NPR2: variants seen among roughly 807,000 people sequenced by gnomAD.
The protein encoded by NPR2 is atrial natriuretic peptide receptor 2.
In NPR2, 49 loss-of-function variants were observed where a neutral mutation model predicts 120.7. The ratio of observed to expected loss-of-function variants is 0.41; its 90% confidence interval spans 0.32 to 0.52. The LOEUF is 0.52. Among genes scored for constraint, NPR2 ranks in the 20% least tolerant of loss-of-function variants. NPR2 has a pLI of 0.36. For missense variants in NPR2, 931 were observed against 1,362.9 expected (o/e 0.68, Z 4.99); for synonymous variants, 484 against 519.8 (o/e 0.93, Z 0.94).
Position 35,800,927 on chromosome 9 carries a change from CTG to C in NPR2, c.1351+89_1351+90del, listed in dbSNP as rs1563987571. ...ACCCTCACTGACCCTCCACTCTTAACTGTGCTTCTGCCTTTACGTCTGCATCC... is the reference window on the plus strand; with the variant it reads ...ACCCTCACTGACCCTCCACTCTTAACTGCTTCTGCCTTTACGTCTGCATCC... On this transcript the variant is annotated intron_variant, in intron 6 of 21. Coordinates refer to ENST00000342694, the MANE Select transcript of NPR2 (RefSeq NM_003995.4). This position sits in a 1 kb window ranked among gnomAD's most constrained non-coding sequence, Gnocchi z 4.7. The C allele has an allele frequency of 1.7e-5, 27 of 1,589,692 alleles. No individual in the cohort carries two copies. The highest frequency in any genetic ancestry group is 2.1e-5 in the Non-Finnish European group (24 of 1,157,860).
chr9:35,797,247 A>G (rs1827972894), intron 2 of NPR2, among the ~76,000 whole-genome samples: 1 of 152,180 alleles, frequency 6.6e-6, no homozygotes, highest in South Asian at 2.1e-4. Flanking sequence ...AGTAATGTAA[A>G]CTAGGTGATC....
chr9:35,798,771 C>T (rs1283068232), intron 2 of NPR2, among the ~76,000 whole-genome samples: 1 of 152,204 alleles, frequency 6.6e-6, no homozygotes, highest in African/African-American at 2.4e-5. Context: ...GGTCCAGCAG[C>T]TCAGGAAGGG....
In NPR2 at chr9:35,809,124, T is replaced by C; in HGVS notation, c.2987-32T>C. ...TGATTGCCTTTTCTTTGATTCCTCA[T>C]TCCACCATCCTCCCCATTCCACCCA... On this transcript the variant is annotated intron_variant, in intron 20 of 21. Transcript: ENST00000342694. The surrounding 1 kb of genome is among the most constrained non-coding windows in gnomAD (Gnocchi z 4.1). 6.3e-6 allele frequency: 10 copies of C among 1,577,010 alleles called. No individual in the cohort carries two copies. Among genetic ancestry groups the C allele is most frequent in the Non-Finnish European group, 8.7e-6 (10 of 1,146,448 alleles).
chr9:35,809,442 G>A lies in NPR2; in HGVS notation c.3141G>A (p.Leu1047=). ...AGCGGAAAGGACCTCCTGGACTCCTGTAAACCCCCATTCTTTCCAAGTCAG... is the reference window on the plus strand; with the variant it reads ...AGCGGAAAGGACCTCCTGGACTCCTATAAACCCCCATTCTTTCCAAGTCAG... ...LGERKGPPGL[L] is the part of the protein sequence containing the mutation. Residue 1047 remains leucine (L), a synonymous_variant, in exon 22 of 22, where the codon CTG becomes CTA. Transcript: ENST00000342694. This position sits in a 1 kb window ranked among gnomAD's most constrained non-coding sequence, Gnocchi z 4.1. 2 of 1,614,222 alleles carry A rather than the reference G, an allele frequency of 1.2e-6. No individual in the cohort carries two copies.
chr9:35,806,291 T>C lies in NPR2; in HGVS notation c.2372+58T>C, dbSNP rs1005462556. ...GGGATAGAAGACTCATTAGTCCTAG[T>C]GCATGAAGTGGGGCAGGTGGGACCA... On this transcript the variant is annotated intron_variant, in intron 15 of 21. Coordinates refer to ENST00000342694, the MANE Select transcript of NPR2 (RefSeq NM_003995.4). This position sits in a 1 kb window ranked among gnomAD's most constrained non-coding sequence, Gnocchi z 4.6. The C allele has an allele frequency of 6.8e-6, 11 of 1,610,826 alleles. No homozygotes were observed. Among genetic ancestry groups the C allele is most frequent in the Non-Finnish European group, 8.5e-6 (10 of 1,177,190 alleles).
At position 35,803,395 on chromosome 9, in the gene NPR2, C is replaced by T. The variant is rs866864600; in HGVS notation, c.1887+592C>T. On this transcript the variant is annotated intron_variant, in intron 12 of 21. Coordinates refer to ENST00000342694, the MANE Select transcript of NPR2 (RefSeq NM_003995.4). ...CTGGGATTACAGGCGTGAGCCACCG[C>T]GCCCGGCCTGAACATATTTATCTCT... Among the ~76,000 whole-genome samples, 6 of 82,184 alleles carry T rather than the reference C, an allele frequency of 7.3e-5. No individual in the cohort carries two copies. In the Middle Eastern group the frequency reaches 0.016, roughly 223 times the overall value. 53.9% of individuals were successfully genotyped at this position (82,184 alleles called of 152,430 possible). A position where few individuals can be genotyped will look rare whatever the true frequency, so the allele number is the denominator to read the frequency against.
Position 35,808,906 on chromosome 9 carries a change from T to A in NPR2, c.2986+53T>A. On this transcript the variant is annotated intron_variant, in intron 20 of 21. Coordinates refer to ENST00000342694, the MANE Select transcript of NPR2 (RefSeq NM_003995.4). This position sits in a 1 kb window ranked among gnomAD's most constrained non-coding sequence, Gnocchi z 4.0. ...TTGGCCTCAATTTATCTTGCCCTTT[T>A]CTTCTTTTCATAATCCCTCCAATTT... 8.6e-7 allele frequency: 1 copy of A among 1,158,864 alleles called. No homozygotes were observed. The highest frequency in any genetic ancestry group is 1.3e-6 in the Non-Finnish European group (1 of 764,326). The allele number at this position is 1,158,864 out of a possible 1,614,324, so 71.8% of individuals were successfully genotyped here. A position where few individuals can be genotyped will look rare whatever the true frequency, so the allele number is the denominator to read the frequency against.
chr9:35,807,122 G>C lies in NPR2; in HGVS notation c.2619G>C (p.Leu873Phe). Residue 873 changes from leucine to phenylalanine, a missense_variant, in exon 17 of 22, where the codon TTG becomes TTC. Physicochemically the swap from Leu to Phe is conservative, Grantham distance 22. This residue lies in a region of NPR2 where 184 missense variants were observed against 328.3 expected (regional missense o/e 0.56). Transcript: ENST00000342694. Reference sequence around the variant, plus strand: ...GTGACATTGTTGGCTTCACAGCATTGTCAGCAGAGAGCACCCCCATGCAGG... The same window carrying C: ...GTGACATTGTTGGCTTCACAGCATTCTCAGCAGAGAGCACCCCCATGCAGG... Reference protein sequence around the residue: ...YFSDIVGFTALSAESTPMQVV... With the variant: ...YFSDIVGFTAFSAESTPMQVV... 1 of 1,524,300 alleles carries C rather than the reference G, an allele frequency of 6.6e-7. No individual in the cohort carries two copies. The highest frequency in any genetic ancestry group is 8.9e-7 in the Non-Finnish European group (1 of 1,126,172). 94.4% of individuals were successfully genotyped at this position (1,524,300 alleles called of 1,614,324 possible).
rs758600168 is a variant in NPR2 at position 35,808,631 on chromosome 9, C to T, written c.2835C>T (p.Arg945=). 3 of 1,614,196 alleles carry T rather than the reference C, an allele frequency of 1.9e-6. No homozygotes were observed. The highest frequency in any genetic ancestry group is 1.7e-6 in the Non-Finnish European group (2 of 1,180,018). The change falls in exon 19 of 22, where the codon CGC becomes CGT. Residue 945 remains arginine (R), a synonymous_variant. Coordinates refer to ENST00000342694, the MANE Select transcript of NPR2 (RefSeq NM_003995.4). The surrounding 1 kb of genome is among the most constrained non-coding windows in gnomAD (Gnocchi z 4.0). ...TACTAGATGCAGTTTCTTCCTTTCG[C>T]ATCCGCCACCGACCCCATGACCAGC... ...LALLDAVSSF[R]IRHRPHDQLR...
Position 35,806,480 on chromosome 9 carries a change from C to T in NPR2, c.2461C>T (p.Gln821Ter). The change falls in exon 16 of 22, where the codon CAG (glutamine) becomes TAG (stop). Residue 821 changes from glutamine (Q) to a stop codon, truncating the protein, a stop_gained. Transcript: ENST00000342694. LOFTEE classifies it high-confidence loss of function. The surrounding 1 kb of genome is among the most constrained non-coding windows in gnomAD (Gnocchi z 4.6). ...NLEKLVEERT[Q>*]AYLEEKRKAE... Reference sequence around the variant, plus strand: ...GGAGAAGCTGGTGGAGGAACGCACACAGGCCTATCTGGAGGAAAAACGCAA... The same window carrying T: ...GGAGAAGCTGGTGGAGGAACGCACATAGGCCTATCTGGAGGAAAAACGCAA... 1 of 1,614,202 alleles carries T rather than the reference C, an allele frequency of 6.2e-7. No homozygotes were observed. Among genetic ancestry groups the T allele is most frequent in the Non-Finnish European group, 8.5e-7 (1 of 1,180,004 alleles).
At position 35,802,465 on chromosome 9, in the gene NPR2, T is replaced by C; in HGVS notation, c.1711-38T>C. The C allele has an allele frequency of 8.0e-7, 1 of 1,248,844 alleles. No individual in the cohort carries two copies. Among genetic ancestry groups the C allele is most frequent in the Non-Finnish European group, 1.2e-6 (1 of 846,366 alleles). 77.4% of individuals were successfully genotyped at this position (1,248,844 alleles called of 1,614,324 possible). Reference sequence around the variant, plus strand: ...TTTCTGTATCTAATTTTTAACTCTTTCAATTTTCTTATCCTTCCCATTGTT... The same window carrying C: ...TTTCTGTATCTAATTTTTAACTCTTCCAATTTTCTTATCCTTCCCATTGTT... On this transcript the variant is annotated intron_variant, in intron 10 of 21. Transcript: ENST00000342694. The surrounding 1 kb of genome is among the most constrained non-coding windows in gnomAD (Gnocchi z 4.2).
At chr9:35,794,210 G>C in intron 2 of NPR2, 107 bp downstream of exon 2, 2 of 1,035,150 alleles carry the variant, frequency 1.9e-6, no homozygotes, top group Non-Finnish European at 2.8e-6. Flanking sequence ...GGAATTGTGA[G>C]CCACAGGAGT....
chr9:35,792,006 TC>T lies in NPR2; in HGVS notation c.-398del. ...CTCCCGGCCCTTTCAGCTGTGAGGT[TC>T]CCCCAGGCCGTTTCTTTGTACCACC... On this transcript the variant is annotated 5_prime_UTR_variant, in exon 1 of 22. The change creates a premature stop within an existing upstream ORF in the 5' untranslated region. Coordinates refer to ENST00000342694, the MANE Select transcript of NPR2 (RefSeq NM_003995.4). The T allele has an allele frequency of 4.1e-6, 1 of 246,410 alleles. No individual in the cohort carries two copies. The highest frequency in any genetic ancestry group is 6.1e-5 in the South Asian group (1 of 16,340). The allele number at this position is 246,410 out of a possible 1,614,324, so 15.3% of individuals were successfully genotyped here. A position where few individuals can be genotyped will look rare whatever the true frequency, so the allele number is the denominator to read the frequency against.
chr9:35,808,763 T>C lies in NPR2; in HGVS notation c.2896T>C (p.Cys966Arg). ...CCTGTTTCTTCTCAAAGGGCCAGTCTGTGCTGGGGTTGTTGGCCTGAAGAT... is the reference window on the plus strand; with the variant it reads ...CCTGTTTCTTCTCAAAGGGCCAGTCCGTGCTGGGGTTGTTGGCCTGAAGAT... ...LRIGVHTGPVCAGVVGLKMPR... is the reference protein window; with the variant it reads ...LRIGVHTGPVRAGVVGLKMPR... Residue 966 changes from cysteine (C) to arginine (R), a missense_variant, in exon 20 of 22, where the codon TGT becomes CGT. Physicochemically the swap from Cys to Arg is radical, Grantham distance 180 (BLOSUM62 -3). Around this residue, in one of 3 missense-constraint regions of NPR2, gnomAD observed 184 missense variants for 328.3 expected, o/e 0.56. Transcript: ENST00000342694. The surrounding 1 kb of genome is among the most constrained non-coding windows in gnomAD (Gnocchi z 4.0). 6.2e-7 allele frequency: 1 copy of C among 1,613,644 alleles called. No individual in the cohort carries two copies. Among genetic ancestry groups the C allele is most frequent in the Non-Finnish European group, 8.5e-7 (1 of 1,179,462 alleles).
Position 35,807,323 on chromosome 9 carries a change from C to T in NPR2, c.2644-7C>T, listed in dbSNP as rs1455587462. 6.2e-7 allele frequency: 1 copy of T among 1,611,486 alleles called. No homozygotes were observed. Among genetic ancestry groups the T allele is most frequent in the African/African-American group, 1.3e-5 (1 of 74,972 alleles). ...TCTCAGGGCCTCTGCTTTTCTATCCCTTTTAGGTAGTGACACTTCTTAATG... is the reference window on the plus strand; with the variant it reads ...TCTCAGGGCCTCTGCTTTTCTATCCTTTTTAGGTAGTGACACTTCTTAATG... On this transcript the variant is annotated splice_polypyrimidine_tract_variant and splice_region_variant and intron_variant, in intron 17 of 21. Transcript: ENST00000342694.
chr9:35,807,420 C>T (rs757928482), intron 18 of NPR2, 22 bp downstream of exon 18: 5 of 1,543,092 alleles, frequency 3.2e-6, no homozygotes, highest in South Asian at 1.1e-5. Context: ...GGCCGCTGTT[C>T]AATAGAAGAC....
intron 18 of NPR2, among the ~76,000 whole-genome samples, chr9:35,807,779 T>A (rs755377932): frequency 6.6e-6 from 1 of 152,152 alleles, no homozygotes. Context: ...AAAGTAAAAC[T>A]TTTTGTTGAA....
In NPR2 at chr9:35,805,493, T is replaced by A; in HGVS notation, c.1888-18T>A. Reference sequence around the variant, plus strand: ...GCCAGATATGATCCAATCCCATGACTTGATCTGTACCCTGCAGGGCATGGC... The same window carrying A: ...GCCAGATATGATCCAATCCCATGACATGATCTGTACCCTGCAGGGCATGGC... On this transcript the variant is annotated intron_variant, in intron 12 of 21. Coordinates refer to ENST00000342694, the MANE Select transcript of NPR2 (RefSeq NM_003995.4). This position sits in a 1 kb window ranked among gnomAD's most constrained non-coding sequence, Gnocchi z 4.9. 1 of 1,614,028 alleles carries A rather than the reference T, an allele frequency of 6.2e-7. No homozygotes were observed. Among genetic ancestry groups the A allele is most frequent in the Non-Finnish European group, 8.5e-7 (1 of 1,179,842 alleles).
At chr9:35,799,570 T>C (rs1464814677) in intron 2 of NPR2, 48 bp from the exon 3 acceptor site, 1 of 1,306,464 alleles carries the variant, frequency 7.7e-7, no homozygotes, top group Non-Finnish European at 1.1e-6. Context: ...CTTCCCATAA[T>C]GCCTATCTTG....
Sources: gnomAD v4.1 joint callset for allele counts (sites outside exome capture counted in the v4.1 genomes callset) on GRCh38, gnomAD v4.1.1 for gene constraint, gnomAD v4.1.1 regional missense constraint, Gnocchi (gnomAD v3.1) non-coding constraint, MANE v1.5 for transcripts, NCBI Gene and HGNC (gene_info 2026-07-23, HGNC 2026-07-21) for gene names.